INAVA: variants seen among roughly 807,000 people sequenced by gnomAD.
The protein encoded by INAVA is innate immunity activator protein.
Under a neutral mutation model 55.3 loss-of-function variants are expected in INAVA, and 32 were observed. The ratio of observed to expected loss-of-function variants is 0.58; its 90% CI spans 0.44 to 0.78. The LOEUF (loss-of-function observed/expected upper bound fraction) is 0.78. INAVA is among the 30% of genes least tolerant of loss of function. The probability of loss-of-function intolerance (pLI) is 0.00; values close to 1 mark genes in which losing one functional copy is unlikely to be tolerated. For missense variants in INAVA, 756 were observed against 786.4 expected (o/e 0.96, Z 0.46); for synonymous variants, 294 against 329.4 (o/e 0.89, Z 1.16).
intron 1 of INAVA, among the ~76,000 whole-genome samples, chr1:200,897,445 C>T (rs376022372): frequency 2.4e-4 from 36 of 152,298 alleles, no homozygotes; most frequent in African/African-American, 8.4e-4. Flanking sequence ...ATGTGAAGTT[C>T]AGAGTCCAGG....
Position 200,898,338 on chromosome 1 carries a change from G to A in INAVA, c.-63G>A, listed in dbSNP as rs761312578. 6.8e-6 allele frequency: 11 copies of A among 1,613,590 alleles called. No individual in the cohort carries two copies. The highest frequency in any genetic ancestry group is 9.3e-6 in the Non-Finnish European group (11 of 1,179,858). The stretch of plus-strand genomic sequence containing the variant: ...AAGCTCCAGGCTACCTACACAACCT[G>A]GCCCAGGCTGGTCACGGTGTCCCCC... On this transcript the variant is annotated 5_prime_UTR_variant, in exon 2 of 10. Transcript: ENST00000413687.
upstream of INAVA, among the ~76,000 whole-genome samples, chr1:200,894,007 G>A (rs780542261): frequency 2.0e-5 from 3 of 152,306 alleles, no homozygotes; most frequent in Non-Finnish European, 4.4e-5. Flanking sequence ...GCCTGCTGGG[G>A]ACAGGCCAGG....
chr1:200,911,017 TTAATGTAGTACTTTAAAAAAAG>T (rs1653690514), intron 8 of INAVA, among the ~76,000 whole-genome samples: 1 of 138,044 alleles, frequency 7.2e-6, no homozygotes, highest in African/African-American at 2.5e-5. Context: ...CTGAAAGTAC[TTAATGTAGTACTTTAAAAAAAG>T]TAGTTAATGT....
At chr1:200,898,934 G>T (rs527625803) in intron 2 of INAVA, among the ~76,000 whole-genome samples, 2 of 152,146 alleles carry the variant, frequency 1.3e-5, no homozygotes, top group Non-Finnish European at 2.9e-5. Flanking sequence ...AGCCGAGATC[G>T]CGGCATTGCA....
chr1:200,904,706 C>T (rs1162211698), intron 5 of INAVA, among the ~76,000 whole-genome samples: 1 of 151,392 alleles, frequency 6.6e-6, no homozygotes, highest in Non-Finnish European at 1.5e-5. Context: ...TAGTGAGCAG[C>T]TCTCAGAAAC....
upstream of INAVA, among the ~76,000 whole-genome samples, chr1:200,893,854 T>G (rs190328100): frequency 7.3e-6 from 1 of 136,182 alleles, no homozygotes; most frequent in Non-Finnish European, 1.6e-5. Flanking sequence ...GGGTAGGGAG[T>G]GGGGACAGGA....
chr1:200,898,527 A>G, intron 2 of INAVA, 72 bp downstream of exon 2: 1 of 1,546,564 alleles, frequency 6.5e-7, no homozygotes. Context: ...CTGACTCCTG[A>G]GTCCTGAGCC....
At chr1:200,909,021 G>A in intron 7 of INAVA, 81 bp downstream of exon 7, 7 of 1,437,476 alleles carry the variant, frequency 4.9e-6, no homozygotes, top group South Asian at 1.4e-5. Flanking sequence ...TATAGGCTGG[G>A]CAGATGGAAA....
At chr1:200,894,005 G>A (rs1394154880), upstream of INAVA, among the ~76,000 whole-genome samples, 1 of 152,186 alleles carries the variant, frequency 6.6e-6, no homozygotes, top group Non-Finnish European at 1.5e-5. Context: ...CAGCCTGCTG[G>A]GGACAGGCCA....
Position 200,909,414 on chromosome 1 carries a change from C to T in INAVA, c.959+17C>T. The T allele has an allele frequency of 6.4e-7, 1 of 1,551,408 alleles. No homozygotes were observed. The highest frequency in any genetic ancestry group is 8.8e-7 in the Non-Finnish European group (1 of 1,142,384). ...GTCTCTGAGGTAAGAGACAGCTTCC[C>T]CAGAGAGATGGGGGACCCACTTAGA... On this transcript the variant is annotated intron_variant, in intron 8 of 9. Transcript: ENST00000413687.
At chr1:200,895,768 G>A (rs1379906682) in intron 1 of INAVA, among the ~76,000 whole-genome samples, 1 of 152,162 alleles carries the variant, frequency 6.6e-6, no homozygotes, top group Non-Finnish European at 1.5e-5. Context: ...TCGAGATTCA[G>A]ACCGGGGACC....
intron 4 of INAVA, 123 bp from the exon 5 acceptor site, chr1:200,900,814 G>T: frequency 1.5e-6 from 1 of 680,602 alleles, no homozygotes; most frequent in Non-Finnish European, 2.4e-6. Flanking sequence ...GCTGCTGTCT[G>T]CCTCTCTTCT....
chr1:200,891,853 A>C, upstream of INAVA: 2 of 495,052 alleles, frequency 4.0e-6, no homozygotes, highest in Non-Finnish European at 6.9e-6. Context: ...TCCTACCAAA[A>C]ATGCACATTT....
intron 4 of INAVA, 146 bp downstream of exon 4, chr1:200,900,366 C>T: frequency 1.5e-6 from 1 of 686,506 alleles, no homozygotes; most frequent in Non-Finnish European, 2.5e-6. Flanking sequence ...GTGAGAGACA[C>T]CATGAATATG....
chr1:200,892,339 A>T (rs995449428), upstream of INAVA, among the ~76,000 whole-genome samples: 2 of 152,112 alleles, frequency 1.3e-5, no homozygotes, highest in African/African-American at 4.8e-5. Context: ...GGATGTGAAG[A>T]TGGTAGGACG....
chr1:200,912,622 TCA>T (rs879915547), intron 9 of INAVA, among the ~76,000 whole-genome samples: 16 of 152,000 alleles, frequency 1.1e-4, no homozygotes, highest in Non-Finnish European at 1.6e-4. Context: ...AAGGGTGGCA[TCA>T]GAGTTAAGAG....
chr1:200,892,678 G>C (rs1008132573), upstream of INAVA, among the ~76,000 whole-genome samples: 1 of 152,180 alleles, frequency 6.6e-6, no homozygotes, highest in African/African-American at 2.4e-5. Context: ...GGAGTGGGGA[G>C]CTGTTTCAGA....
At chr1:200,893,837 C>A (rs965565723), upstream of INAVA, among the ~76,000 whole-genome samples, 2 of 151,424 alleles carry the variant, frequency 1.3e-5, no homozygotes, top group African/African-American at 4.9e-5. Flanking sequence ...GTCATCCCTG[C>A]ACTTGGGGGT....
chr1:200,908,765 C>G lies in INAVA; in HGVS notation c.610C>G (p.Pro204Ala). The G allele has an allele frequency of 6.2e-7, 1 of 1,605,978 alleles. No individual in the cohort carries two copies. Among genetic ancestry groups the G allele is most frequent in the Non-Finnish European group, 8.5e-7 (1 of 1,176,220 alleles). ...AGTGCCAAAACCTCCTCCAGAGTCTCCAGCCCCACCTTCTCGGCCTCTCCC... is the reference window on the plus strand; with the variant it reads ...AGTGCCAAAACCTCCTCCAGAGTCTGCAGCCCCACCTTCTCGGCCTCTCCC... ...SQVPKPPPES[P>A]APPSRPLPPQ... Residue 204 changes from proline (P) to alanine (A), a missense_variant, in exon 7 of 10, where the codon CCA becomes GCA. Around this residue, in one of 2 missense-constraint regions of INAVA, gnomAD observed 639 missense variants for 624.3 expected, o/e 1.02. Coordinates refer to ENST00000413687, the MANE Select transcript of INAVA (RefSeq NM_001142569.3).
Sources: allele counts gnomAD v4.1 joint callset (sites outside exome capture counted in the v4.1 genomes callset), GRCh38; gene constraint gnomAD v4.1.1; regional missense constraint gnomAD v4.1.1; transcripts MANE v1.5; gene names NCBI Gene and HGNC (gene_info 2026-07-23, HGNC 2026-07-21).